Variants in NT5C3B observed in about 807,000 individuals in gnomAD.
The protein encoded by NT5C3B is 7-methylguanosine phosphate-specific 5'-nucleotidase.
Under a neutral mutation model 32.5 loss-of-function variants are expected in NT5C3B, and 28 were observed. The ratio of observed to expected loss-of-function variants is 0.86; its 90% CI spans 0.64 to 1.18. The LOEUF is 1.18. Among genes scored for constraint, NT5C3B ranks in the 50% most tolerant of loss-of-function variants. NT5C3B has a pLI of 0.00. For synonymous variants in NT5C3B, 138 were observed against 118.0 expected (o/e 1.17, Z -1.10); for missense variants, 317 against 322.0 (o/e 0.98, Z 0.12).
At position 41,825,478 on chromosome 17, in the gene NT5C3B, G is replaced by A. The variant is rs1555617980; in HGVS notation, c.*45C>T. ...ACGGGGGAGCAGACTCTGGGGAGGC[G>A]CCCCTCCTCACCACGGCCTGCAGGC... On this transcript the variant is annotated 3_prime_UTR_variant, in exon 9 of 9. Coordinates refer to ENST00000435506, the MANE Select transcript of NT5C3B (RefSeq NM_052935.5). 1.4e-5 allele frequency: 12 copies of A among 848,844 alleles called. No homozygotes were observed. Among genetic ancestry groups the A allele is most frequent in the Non-Finnish European group, 2.0e-5 (10 of 490,250 alleles). The allele number at this position is 848,844 out of a possible 1,614,324, so 52.6% of individuals were successfully genotyped here.
At chr17:41,831,319 CAAAAAA>C (rs71155172) in intron 5 of NT5C3B, among the ~76,000 whole-genome samples, 14 of 110,132 alleles carry the variant, frequency 1.3e-4, no homozygotes, top group African/African-American at 3.7e-4. Flanking sequence ...GACTCCATCT[CAAAAAA>C]AAAAAAAAAA....
chr17:41,827,307 A>G (rs2047983424), intron 8 of NT5C3B, 119 bp downstream of exon 8: 1 of 459,820 alleles, frequency 2.2e-6, no homozygotes, highest in African/African-American at 2.0e-5. Flanking sequence ...TCAAAAAAAA[A>G]TAAAATAAAA....
intron 6 of NT5C3B, among the ~76,000 whole-genome samples, 161 bp from the exon 7 acceptor site, chr17:41,829,113 C>A (rs1026432233): frequency 4.6e-5 from 7 of 152,124 alleles, no homozygotes; most frequent in Non-Finnish European, 8.8e-5. Flanking sequence ...CCTCGACCTC[C>A]CGAGTTCAAG....
chr17:41,825,746 G>C (rs782473415), intron 8 of NT5C3B, 89 bp from the exon 9 acceptor site: 25 of 832,348 alleles, frequency 3.0e-5, no homozygotes, highest in Non-Finnish European at 5.0e-5. Context: ...CTGGGGAGGA[G>C]AGCATTCAAG....
Position 41,830,829 on chromosome 17 carries a change from C to T in NT5C3B, c.376G>A (p.Val126Met), listed in dbSNP as rs1255121058. 3 of 1,612,022 alleles carry T rather than the reference C, an allele frequency of 1.9e-6. No individual in the cohort carries two copies. The African/African-American group carries it at 4.0e-5, about 22-fold the overall frequency. ...AGCATTGCATTGGACTCTCTAACCA[C>T]CTGGGCTATCTGAAACTTCTGAATC... ...QKIQKFQIAQ[V>M]VRESNAMLRE... The change falls in exon 6 of 9, where the codon GTG becomes ATG. Residue 126 changes from valine (V) to methionine (M), a missense_variant. Physicochemically the swap from Val to Met is conservative, Grantham distance 21. Coordinates refer to ENST00000435506, the MANE Select transcript of NT5C3B (RefSeq NM_052935.5).
At chr17:41,829,074 G>A in intron 6 of NT5C3B, 122 bp from the exon 7 acceptor site, 1 of 776,902 alleles carries the variant, frequency 1.3e-6, no homozygotes, top group South Asian at 2.0e-5. Flanking sequence ...CAGGCTGGAG[G>A]GCAGTGGCAC....
rs148571968 is a variant in NT5C3B at position 41,827,448 on chromosome 17, T to C, written c.746A>G (p.Lys249Arg). 133 of 872,858 alleles carry C rather than the reference T, an allele frequency of 1.5e-4. No individual in the cohort carries two copies. The African/African-American group carries it at 1.9e-3, about 13-fold the overall frequency. 54.1% of individuals were successfully genotyped at this position (872,858 alleles called of 1,614,324 possible). Residue 249 changes from lysine to arginine, a missense_variant, in exon 8 of 9, where the codon AAA becomes AGA. Coordinates refer to ENST00000435506, the MANE Select transcript of NT5C3B (RefSeq NM_052935.5). ...DGVPGVQNIL[K>R]IGFLNDKVEE... is the part of the protein sequence containing the mutation. ...CACCTTGTCATTCAGGAAGCCAATT[T>C]TGAGAATGTTCTGCACACCAGGAAC... is the stretch of plus-strand genomic sequence containing the variant.
intron 8 of NT5C3B, among the ~76,000 whole-genome samples, chr17:41,827,133 C>T (rs1483937055): frequency 3.3e-5 from 5 of 151,712 alleles, no homozygotes; most frequent in African/African-American, 9.7e-5. Flanking sequence ...GGTGAAACCC[C>T]GTCTCTACTA....
Position 41,827,492 on chromosome 17 carries a change from G to T in NT5C3B, c.702C>A (p.Asp234Glu), listed in dbSNP as rs1391019792. ...NVILLGDSIG[D>E]LTMADGVPGV... ...CAGGAACCCCATCGGCCATGGTGAGGTCCCCGATAGAGTCTCCCAGCAGGA... is the reference window on the plus strand; with the variant it reads ...CAGGAACCCCATCGGCCATGGTGAGTTCCCCGATAGAGTCTCCCAGCAGGA... Residue 234 changes from aspartate to glutamate, a missense_variant, in exon 8 of 9, where the codon GAC (aspartate) becomes GAA (glutamate). Asp to Glu is a conservative substitution (Grantham distance 45). Transcript: ENST00000435506. 1 of 872,852 alleles carries T rather than the reference G, an allele frequency of 1.1e-6. No homozygotes were observed. Among genetic ancestry groups the T allele is most frequent in the African/African-American group, 1.6e-5 (1 of 61,310 alleles). The allele number at this position is 872,852 out of a possible 1,614,324, so 54.1% of individuals were successfully genotyped here.
At chr17:41,827,081 C>T (rs1555618289) in intron 8 of NT5C3B, among the ~76,000 whole-genome samples, 1 of 150,858 alleles carries the variant, frequency 6.6e-6, no homozygotes, top group Non-Finnish European at 1.5e-5. Context: ...CCAAGGCAGG[C>T]GGATCACGAG....
intron 6 of NT5C3B, among the ~76,000 whole-genome samples, chr17:41,830,125 C>T (rs917148782): frequency 3.9e-5 from 6 of 152,184 alleles, no homozygotes; most frequent in Non-Finnish European, 1.5e-5. Flanking sequence ...AGGCCGCCAA[C>T]GATCAAGCGT....
At chr17:41,835,341 G>C (rs1268295157) in intron 2 of NT5C3B, 69 bp from the exon 3 acceptor site, 1 of 1,352,272 alleles carries the variant, frequency 7.4e-7, no homozygotes, top group Non-Finnish European at 1.1e-6. Context: ...CCTCAGCCTG[G>C]GGGATGATTA....
At chr17:41,828,630 C>A (rs2048002551) in intron 7 of NT5C3B, 160 bp downstream of exon 7, 1 of 671,686 alleles carries the variant, frequency 1.5e-6, no homozygotes, top group Non-Finnish European at 2.6e-6. Flanking sequence ...AGCCACCGCG[C>A]CTGGCCAAAA....
At chr17:41,828,155 T>C (rs1396619737) in intron 7 of NT5C3B, among the ~76,000 whole-genome samples, 3 of 152,026 alleles carry the variant, frequency 2.0e-5, no homozygotes, top group African/African-American at 4.8e-5. Flanking sequence ...CGTGGATGAG[T>C]TGGAGCAGCC....
intron 5 of NT5C3B, 77 bp from the exon 6 acceptor site, chr17:41,830,967 A>G (rs1181410829): frequency 1.1e-6 from 1 of 927,756 alleles, no homozygotes; most frequent in African/African-American, 1.7e-5. Context: ...TTACAGAGCC[A>G]AGTACCCTCT....
chr17:41,831,932 C>T (rs949603330), intron 5 of NT5C3B, among the ~76,000 whole-genome samples: 5 of 151,968 alleles, frequency 3.3e-5, no homozygotes, highest in Non-Finnish European at 7.4e-5. Context: ...GGCACGTGCC[C>T]GTAGTACCAG....
chr17:41,832,111 A>G (rs2048061751), intron 5 of NT5C3B, among the ~76,000 whole-genome samples: 1 of 152,170 alleles, frequency 6.6e-6, no homozygotes, highest in Non-Finnish European at 1.5e-5. Context: ...ACAGCAGCAC[A>G]AAACAGACTA....
intron 4 of NT5C3B, among the ~76,000 whole-genome samples, chr17:41,833,013 A>G (rs544604487): frequency 1.1e-4 from 17 of 152,208 alleles, no homozygotes; most frequent in African/African-American, 4.1e-4. Flanking sequence ...ATACACTCAC[A>G]TTTTTACCCA....
In NT5C3B at chr17:41,832,376, C is replaced by A; in HGVS notation, c.314+16G>T. ...TCTCAAGGGCCCAGAAGCTTTTCTC[C>A]ACCACCATCACTCACCATTCCACCA... is the stretch of plus-strand genomic sequence containing the variant. On this transcript the variant is annotated intron_variant, in intron 5 of 8. Transcript: ENST00000435506. 6.2e-7 allele frequency: 1 copy of A among 1,611,350 alleles called. No individual in the cohort carries two copies. Among genetic ancestry groups the A allele is most frequent in the South Asian group, 1.1e-5 (1 of 91,012 alleles).
Sources: gnomAD v4.1 joint callset for allele counts (sites outside exome capture counted in the v4.1 genomes callset) on GRCh38, gnomAD v4.1.1 for gene constraint, MANE v1.5 for transcripts, NCBI Gene and HGNC (gene_info 2026-07-23, HGNC 2026-07-21) for gene names.